Variants in AGBL1 observed in about 807,000 individuals in gnomAD.
AGBL1 encodes cytosolic carboxypeptidase 4.
Under a neutral mutation model 118.9 loss-of-function variants are expected in AGBL1, and 130 were observed. The observed-to-expected ratio is 1.09, with a 90% confidence interval of 0.95 to 1.26. The LOEUF (loss-of-function observed/expected upper bound fraction) is 1.26. AGBL1 is among the 50% of genes most tolerant of loss of function. AGBL1 has a pLI of 0.00. For missense variants in AGBL1, 1,584 were observed against 1,298.1 expected (o/e 1.22, Z -3.38); for synonymous variants, 555 against 478.9 (o/e 1.16, Z -2.08).
At chr15:86,402,579 C>A (rs908175629) in intron 18 of AGBL1, among the ~76,000 whole-genome samples, 1 of 152,092 alleles carries the variant, frequency 6.6e-6, no homozygotes, top group Non-Finnish European at 1.5e-5. Flanking sequence ...AAGAGACAAT[C>A]CTTGCATAAA....
intron 24 of AGBL1, among the ~76,000 whole-genome samples, chr15:87,006,449 C>G (rs1255688402): frequency 6.6e-6 from 1 of 152,180 alleles, no homozygotes; most frequent in African/African-American, 2.4e-5. Flanking sequence ...GACTGCTGTG[C>G]TAGCCATGAG....
intron 22 of AGBL1, among the ~76,000 whole-genome samples, chr15:86,877,494 C>T (rs1194433304): frequency 6.6e-6 from 1 of 152,136 alleles, no homozygotes; most frequent in Non-Finnish European, 1.5e-5. Flanking sequence ...GACAGACTTT[C>T]TTGTCAAAGG....
chr15:86,777,834 T>G (rs1315981211), intron 22 of AGBL1, among the ~76,000 whole-genome samples: 1 of 152,288 alleles, frequency 6.6e-6, no homozygotes, highest in Non-Finnish European at 1.5e-5. Context: ...CAAATCATAA[T>G]AGTAAGTCTT....
At chr15:86,645,076 C>A (rs1300041894) in intron 21 of AGBL1, among the ~76,000 whole-genome samples, 1 of 151,712 alleles carries the variant, frequency 6.6e-6, no homozygotes, top group African/African-American at 2.4e-5. Flanking sequence ...CTTTGATGAA[C>A]AAACATATGA....
Position 86,221,984 on chromosome 15 carries a change from G to A in AGBL1, c.489-2930G>A, listed in dbSNP as rs2078287768. On this transcript the variant is annotated intron_variant, in intron 5 of 22. Transcript: ENST00000614907. ...CAAAATTTCCAGTTTGAAAAACAGT[G>A]TGCCTAGACAGTCTGGTGAAGTTCA... Among the ~76,000 whole-genome samples, 5 of 152,274 alleles carry A rather than the reference G, an allele frequency of 3.3e-5. 1 individual carries two copies. The South Asian group carries it at 1.0e-3, about 32-fold the overall frequency.
At chr15:86,639,069 G>T (rs750585222) in intron 21 of AGBL1, among the ~76,000 whole-genome samples, 2 of 152,192 alleles carry the variant, frequency 1.3e-5, no homozygotes, top group African/African-American at 4.8e-5. Flanking sequence ...CTAGGCAAGC[G>T]AGAAGGCAAT....
intron 21 of AGBL1, among the ~76,000 whole-genome samples, chr15:86,579,268 C>G (rs1015766043): frequency 1.3e-5 from 2 of 152,060 alleles, no homozygotes; most frequent in African/African-American, 4.8e-5. Context: ...GGCAAAATCT[C>G]AAAAGAGGAA....
intron 21 of AGBL1, among the ~76,000 whole-genome samples, chr15:86,605,564 CTTT>C (rs2084563607): frequency 6.6e-6 from 1 of 152,150 alleles, no homozygotes. Context: ...ATTTCAAGCT[CTTT>C]TTACTTTCTA....
intron 5 of AGBL1, among the ~76,000 whole-genome samples, chr15:86,166,565 A>T (rs2077344884): frequency 6.6e-6 from 1 of 152,158 alleles, no homozygotes; most frequent in African/African-American, 2.4e-5. Flanking sequence ...GGGGGGCTCT[A>T]GTCCCTGTTT....
intron 21 of AGBL1, among the ~76,000 whole-genome samples, chr15:86,573,915 A>T (rs1419469609): frequency 6.6e-6 from 1 of 152,216 alleles, no homozygotes; most frequent in Non-Finnish European, 1.5e-5. Context: ...TATTCCTGAA[A>T]ACAACAAAAA....
At chr15:86,242,264 C>CATTGGA (rs1055705033) in intron 6 of AGBL1, among the ~76,000 whole-genome samples, 1 of 151,764 alleles carries the variant, frequency 6.6e-6, no homozygotes, top group African/African-American at 2.4e-5. Flanking sequence ...AATAGAGAGC[C>CATTGGA]ATTGGAATAA....
rs957052630 is a variant in AGBL1 at position 86,170,384 on chromosome 15, C to T, written c.488+11358C>T. On this transcript the variant is annotated intron_variant, in intron 5 of 22. Transcript: ENST00000614907. Reference sequence around the variant, plus strand: ...TGGGACAACTTCAAGCAGCCCAGTACATATAATTTGAGCCACTGGGGAGAG... The same window carrying T: ...TGGGACAACTTCAAGCAGCCCAGTATATATAATTTGAGCCACTGGGGAGAG... 7.9e-5 allele frequency among the ~76,000 whole-genome samples: 12 copies of T among 151,986 alleles called. No individual in the cohort carries two copies. In the South Asian group the frequency reaches 1.7e-3, roughly 21 times the overall value.
chr15:86,777,357 C>T (rs772932101), intron 22 of AGBL1, among the ~76,000 whole-genome samples: 1 of 151,782 alleles, frequency 6.6e-6, no homozygotes, highest in Admixed American at 6.6e-5. Flanking sequence ...AAAAATATTA[C>T]TCATATAAAT....
intron 23 of AGBL1, among the ~76,000 whole-genome samples, chr15:86,945,652 A>T (rs1184788453): frequency 6.6e-6 from 1 of 152,192 alleles, no homozygotes; most frequent in Non-Finnish European, 1.5e-5. Flanking sequence ...CAGTGTGGAC[A>T]AGAGAGTGAG....
At position 86,264,270 on chromosome 15, in the gene AGBL1, A is replaced by C. The variant is rs2079036448; in HGVS notation, c.1099A>C (p.Lys367Gln). ...TTTGAACCTGAAGGAACTGCAGTCCAAACTTGGAGATGATTTGAACTCTGA... is the reference window on the plus strand; with the variant it reads ...TTTGAACCTGAAGGAACTGCAGTCCCAACTTGGAGATGATTTGAACTCTGA... The part of the protein sequence containing the change: ...LSYSFEELQS[K>Q]LGDDLNSEKT... Residue 367 changes from lysine (K) to glutamine (Q), a missense_variant, in exon 11 of 23, where the codon AAA (lysine) becomes CAA (glutamine). Coordinates refer to ENST00000614907, the MANE Select transcript of AGBL1 (RefSeq NM_001386094.1). 2.5e-6 allele frequency: 4 copies of C among 1,596,850 alleles called. No homozygotes were observed. The highest frequency in any genetic ancestry group is 3.4e-6 in the Non-Finnish European group (4 of 1,171,774).
chr15:86,667,274 C>G (rs541445334), intron 21 of AGBL1, among the ~76,000 whole-genome samples: 2 of 151,690 alleles, frequency 1.3e-5, no homozygotes, highest in African/African-American at 4.8e-5. Flanking sequence ...ATCTATCTGT[C>G]TATCTTTGCT....
At chr15:87,014,170 T>G (rs1393138646) in intron 24 of AGBL1, among the ~76,000 whole-genome samples, 6 of 152,176 alleles carry the variant, frequency 3.9e-5, no homozygotes, top group Admixed American at 2.0e-4. Flanking sequence ...ATTTAGAAAG[T>G]CTTAAGTTTT....
chr15:86,560,800 T>A (rs1376182497), intron 21 of AGBL1, among the ~76,000 whole-genome samples: 1 of 152,206 alleles, frequency 6.6e-6, no homozygotes, highest in Non-Finnish European at 1.5e-5. Flanking sequence ...CTCCAGCACC[T>A]GTTGTTTCCT....
chr15:86,791,445 G>A (rs185546261), intron 22 of AGBL1, among the ~76,000 whole-genome samples: 2 of 152,130 alleles, frequency 1.3e-5, no homozygotes, highest in South Asian at 2.1e-4. Context: ...GCAGGTGCTC[G>A]GTAAATGCCC....
Sources: allele counts gnomAD v4.1 joint callset (sites outside exome capture counted in the v4.1 genomes callset), GRCh38; gene constraint gnomAD v4.1.1; transcripts MANE v1.5; gene names NCBI Gene and HGNC (gene_info 2026-07-23, HGNC 2026-07-21).